The following COL6A5 variants were observed in gnomAD, a reference collection of about 807,000 sequenced individuals.
The protein encoded by COL6A5 is collagen alpha-5(VI) chain.
A neutral mutation model predicts 65.6 loss-of-function variants in COL6A5; 48 were observed. The observed-to-expected ratio is 0.73, with a 90% CI of 0.58 to 0.93. The LOEUF is 0.93. Ranked by LOEUF, COL6A5 falls within the 40% of genes least tolerant of loss-of-function variation. The pLI, the probability that COL6A5 is intolerant of heterozygous loss-of-function variation, is 0.00. For missense variants in COL6A5, 914 were observed against 928.3 expected (o/e 0.98, Z 0.20); for synonymous variants, 291 against 322.8 (o/e 0.90, Z 1.05).
intron 7 of COL6A5, chr3:130,477,244 T>C (rs1458296449): frequency 8.5e-6 from 5 of 587,870 alleles, no homozygotes; most frequent in Non-Finnish European, 1.5e-5. Flanking sequence ...GTACACACTA[T>C]GCGTGGAATA....
chr3:130,401,747 CT>C lies in COL6A5; in HGVS notation c.4135-8del, dbSNP rs897281687. The C allele has an allele frequency of 1.1e-5, 17 of 1,543,280 alleles. No homozygotes were observed. The highest frequency in any genetic ancestry group is 2.0e-5 in the Admixed American group (1 of 50,960). Reference sequence around the variant, plus strand: ...GACAATTGCTATTCCCTCAGCTTTACTTTTTTTCCCCCAGGGAAATATTGCA... The same window carrying C: ...GACAATTGCTATTCCCTCAGCTTTACTTTTTTCCCCCAGGGAAATATTGCA... On this transcript the variant is annotated splice_polypyrimidine_tract_variant and intron_variant and NMD_transcript_variant, in intron 11 of 41. Coordinates refer to the COL6A5 transcript ENST00000312481.
chr3:130,449,805 T>G (rs905756737), intron 4 of COL6A5, among the ~76,000 whole-genome samples: 2 of 152,090 alleles, frequency 1.3e-5, no homozygotes, highest in African/African-American at 4.8e-5. Flanking sequence ...CCGGCCAGAA[T>G]GGAAACAGGA....
chr3:130,480,139 T>C (rs563273530), intron 7 of COL6A5, among the ~76,000 whole-genome samples: 1 of 152,072 alleles, frequency 6.6e-6, no homozygotes, highest in Admixed American at 6.6e-5. Flanking sequence ...AATTCTGATA[T>C]TAAATCTTGC....
chr3:130,400,961 A>G, intron 10 of COL6A5, 70 bp from the exon 11 acceptor site: 1 of 1,264,000 alleles, frequency 7.9e-7, no homozygotes, highest in Non-Finnish European at 1.1e-6. Context: ...ACTGAGTAGA[A>G]TTATTATGTC....
intron 8 of COL6A5, among the ~76,000 whole-genome samples, chr3:130,396,619 A>G (rs1007941418): frequency 2.0e-5 from 3 of 152,250 alleles, no homozygotes; most frequent in African/African-American, 7.2e-5. Flanking sequence ...AAATGTTGAC[A>G]TCAGGCTCCT....
At chr3:130,422,927 C>T in intron 28 of COL6A5, 145 bp downstream of exon 28, 1 of 513,836 alleles carries the variant, frequency 1.9e-6, no homozygotes, top group Non-Finnish European at 3.4e-6. Flanking sequence ...CACATCTTTT[C>T]AGGGTCTCTA....
intron 1 of COL6A5, among the ~76,000 whole-genome samples, chr3:130,348,316 C>G (rs1934578807): frequency 6.6e-6 from 1 of 152,170 alleles, no homozygotes; most frequent in Admixed American, 6.5e-5. Context: ...ATGTTCCCCT[C>G]CCTGTGTCCA....
rs73867692 is a variant in COL6A5, at chr3:130,417,694, C to T, written c.4887+875C>T. On this transcript the variant is annotated intron_variant and NMD_transcript_variant, in intron 24 of 41. Transcript: ENST00000312481. ...AATGATTAACCTCATCGGAATCTGA[C>T]TCCCCTGTTTAAAACCTTTCAATGG... is the stretch of plus-strand genomic sequence containing the variant. 4.5e-3 allele frequency among the ~76,000 whole-genome samples: 683 copies of T among 152,248 alleles called. 9 individuals are homozygous for T. Among genetic ancestry groups the T allele is most frequent in the African/African-American group, 0.015 (638 of 41,558 alleles).
chr3:130,383,181 A>G (rs1936066613), intron 4 of COL6A5, among the ~76,000 whole-genome samples: 1 of 152,114 alleles, frequency 6.6e-6, no homozygotes, highest in Non-Finnish European at 1.5e-5. Context: ...GTAATGATAG[A>G]AATATTCTGT....
rs5852597 is a variant in COL6A5 at position 130,439,339 on chromosome 3, T to TTGTGTGTGTGTG, written c.488-154_488-143dup. Among the ~76,000 whole-genome samples the TTGTGTGTGTGTG allele has an allele frequency of 3.5e-3, 516 of 146,646 alleles. 2 individuals are homozygous for TTGTGTGTGTGTG. Among genetic ancestry groups the TTGTGTGTGTGTG allele is most frequent in the South Asian group, 0.011 (47 of 4,472 alleles). Reference sequence around the variant, plus strand: ...TGTTATGTTTGGGATAAGCAGGGGATTGTGTGTGTGTGTGTGTGTGTGTGT... The same window carrying TTGTGTGTGTGTG: ...TGTTATGTTTGGGATAAGCAGGGGATTGTGTGTGTGTGTGTGTGTGTGTGTGTGTGTGTGTGT... On this transcript the variant is annotated intron_variant, in intron 1 of 7. Transcript: ENST00000512836.
intron 20 of COL6A5, among the ~76,000 whole-genome samples, chr3:130,413,218 T>C (rs1274345803): frequency 6.8e-6 from 1 of 147,434 alleles, no homozygotes; most frequent in Non-Finnish European, 1.5e-5. Context: ...CAGTGCTTTT[T>C]GGGATTTGCC....
At chr3:130,361,348 T>C (rs1224024230) in intron 1 of COL6A5, among the ~76,000 whole-genome samples, 5 of 152,082 alleles carry the variant, frequency 3.3e-5, no homozygotes, top group Non-Finnish European at 5.9e-5. Flanking sequence ...TATATAGCCT[T>C]TTCAGATTGG....
chr3:130,457,074 T>TA (rs398106450), intron 5 of COL6A5, among the ~76,000 whole-genome samples: 1 of 151,884 alleles, frequency 6.6e-6, no homozygotes, highest in African/African-American at 2.4e-5. Context: ...AAACTTTTTT[T>TA]ATTTTCATGT....
chr3:130,440,103 C>A (rs1279323818), intron 2 of COL6A5, 63 bp from the exon 35 acceptor site: 5 of 1,320,228 alleles, frequency 3.8e-6, no homozygotes, highest in Non-Finnish European at 5.2e-6. Flanking sequence ...ACTTGAAGAT[C>A]TCAAACAAGT....
chr3:130,376,567 A>G, exon 3 of COL6A5: 1 of 1,605,644 alleles, frequency 6.2e-7, no homozygotes. Flanking sequence ...GACAGGAAAC[A>G]GTTTCCCCCA....
At chr3:130,435,700 G>T (rs183791864) in intron 1 of COL6A5, among the ~76,000 whole-genome samples, 1 of 152,254 alleles carries the variant, frequency 6.6e-6, no homozygotes, top group Non-Finnish European at 1.5e-5. Flanking sequence ...TGTGGTGATT[G>T]TAAATGGGAG....
Position 130,352,189 on chromosome 3 carries a change from G to A in COL6A5, c.-29+6208G>A, listed in dbSNP as rs12637303. On this transcript the variant is annotated intron_variant and NMD_transcript_variant, in intron 1 of 41. Transcript: ENST00000312481. ...TGGGGCTGGGGGAGGGATAGCATTA[G>A]GAGAAATACCTAATGTAAATGATGA... Among the ~76,000 whole-genome samples, 712 of 152,200 alleles carry A rather than the reference G, an allele frequency of 4.7e-3. 19 individuals carry two copies. The East Asian group carries it at 0.073, about 16-fold the overall frequency.
chr3:130,361,621 A>G (rs572811112), intron 1 of COL6A5, among the ~76,000 whole-genome samples: 1 of 152,140 alleles, frequency 6.6e-6, no homozygotes, highest in East Asian at 1.9e-4. Context: ...TATGGGATGA[A>G]TATGTTTAGT....
At chr3:130,424,023 A>G in intron 29 of COL6A5, 123 bp downstream of exon 29, 2 of 638,394 alleles carry the variant, frequency 3.1e-6, no homozygotes, top group Non-Finnish European at 5.3e-6. Context: ...TACTAGCTAT[A>G]TGACCCAGTC....
Sources: allele counts gnomAD v4.1 joint callset (sites outside exome capture counted in the v4.1 genomes callset), GRCh38; gene constraint gnomAD v4.1.1; transcripts MANE v1.5; gene names NCBI Gene and HGNC (gene_info 2026-07-23, HGNC 2026-07-21).